Variants in EML1 observed in about 807,000 individuals in gnomAD.
The protein encoded by EML1 is echinoderm microtubule-associated protein-like 1.
EML1 carries 27 observed loss-of-function variants against 110.4 expected under a neutral mutation model. The observed-to-expected ratio is 0.24, with a 90% CI of 0.18 to 0.34. EML1 has a LOEUF of 0.34. EML1 is among the 10% of genes least tolerant of loss of function. The pLI is 1.00. For missense variants in EML1, 741 were observed against 1,030.9 expected, an observed-to-expected ratio of 0.72 and a Z score of 3.85; for synonymous variants, 344 against 385.8, an observed-to-expected ratio of 0.89 and a Z score of 1.27.
Position 99,914,286 on chromosome 14 carries a change from C to T in EML1, c.1602C>T (p.Asp534=), listed in dbSNP as rs1355000351. Residue 534 remains aspartate (D), a synonymous_variant, in exon 14 of 22, where the codon GAC becomes GAT. Coordinates refer to ENST00000262233, the MANE Select transcript of EML1 (RefSeq NM_004434.3). ...TCCTGCAGGGCACTCTGTCAGGGGA[C>T]TTCACACCCATTACTCAGGTACGAT... ...NFVLQGTLSG[D]FTPITQGHTD... is the part of the protein sequence containing the mutation. The T allele has an allele frequency of 2.5e-6, 4 of 1,613,158 alleles. No homozygotes were observed. In the South Asian group the frequency reaches 4.4e-5, roughly 18 times the overall value.
chr14:99,917,941 T>A, intron 16 of EML1, 92 bp downstream of exon 16: 1 of 1,315,266 alleles, frequency 7.6e-7, no homozygotes, highest in Non-Finnish European at 1.1e-6. Flanking sequence ...CCCGTTCAGC[T>A]CTTGGCTACA....
chr14:99,748,292 G>A (rs570374421), intron 1 of EML1, among the ~76,000 whole-genome samples: 1 of 152,306 alleles, frequency 6.6e-6, no homozygotes, highest in South Asian at 2.1e-4. Flanking sequence ...AGCTTGCCCC[G>A]AGGCTGCGGG....
chr14:99,782,722 C>G (rs1382669368), intron 1 of EML1, among the ~76,000 whole-genome samples: 1 of 151,982 alleles, frequency 6.6e-6, no homozygotes, highest in African/African-American at 2.4e-5. Context: ...TTACCGGACC[C>G]CCCATTAATT....
At chr14:99,917,379 G>T (rs768077868) in intron 15 of EML1, among the ~76,000 whole-genome samples, 6 of 152,050 alleles carry the variant, frequency 3.9e-5, no homozygotes, top group Non-Finnish European at 7.4e-5. Context: ...AGACCAGCCT[G>T]GGCAGCATAG....
intron 1 of EML1, among the ~76,000 whole-genome samples, chr14:99,748,273 G>A (rs1481351965): frequency 6.6e-6 from 1 of 152,200 alleles, no homozygotes; most frequent in Non-Finnish European, 1.5e-5. Context: ...GTGGGGTCCT[G>A]GGATCCGGAG....
chr14:99,802,593 C>T (rs2057901223), intron 1 of EML1, among the ~76,000 whole-genome samples: 1 of 152,098 alleles, frequency 6.6e-6, no homozygotes, highest in Non-Finnish European at 1.5e-5. Context: ...ACGCCCAGGT[C>T]TCTGATGCCT....
chr14:99,840,409 G>A (rs535508191), intron 1 of EML1, among the ~76,000 whole-genome samples: 5 of 152,306 alleles, frequency 3.3e-5, no homozygotes, highest in South Asian at 4.1e-4. Flanking sequence ...CATTCTAGCC[G>A]TGCAACCTTA....
chr14:99,866,049 A>G (rs1045122981), intron 3 of EML1, among the ~76,000 whole-genome samples: 5 of 152,242 alleles, frequency 3.3e-5, no homozygotes, highest in Non-Finnish European at 5.9e-5. Context: ...TACTTTCAAA[A>G]TGTACCCAAC....
intron 1 of EML1, among the ~76,000 whole-genome samples, chr14:99,777,683 G>C (rs150680204): frequency 0.012 from 1,880 of 152,284 alleles, 42 homozygotes; most frequent in African/African-American, 0.042. Context: ...GCCTCCAAAA[G>C]TGCTGGGATT....
rs764069587 is a variant in EML1, at chr14:99,936,300, C to G, written c.2061C>G (p.Leu687=). Residue 687 remains leucine (L), a synonymous_variant, in exon 19 of 22, where the codon CTC becomes CTG. Coordinates refer to ENST00000262233, the MANE Select transcript of EML1 (RefSeq NM_004434.3). This position sits in a 1 kb window ranked among gnomAD's most constrained non-coding sequence, Gnocchi z 5.5. The part of the protein sequence containing the change: ...HLDWSVNSQF[L]VSNSGDYEIL... ...ACTGGTCTGTAAACTCACAGTTCCT[C>G]GTGTCAAATTCCGGAGACTACGAAA... The G allele has an allele frequency of 3.7e-6, 6 of 1,613,900 alleles. No homozygotes were observed. In the East Asian group the frequency reaches 8.9e-5, roughly 24 times the overall value.
chr14:99,814,961 A>G (rs1351143475), intron 1 of EML1, among the ~76,000 whole-genome samples: 1 of 152,154 alleles, frequency 6.6e-6, no homozygotes, highest in Non-Finnish European at 1.5e-5. Context: ...AGAGAGGGAA[A>G]TGGAATTACT....
At chr14:99,902,769 C>T (rs1377815502) in intron 9 of EML1, among the ~76,000 whole-genome samples, 2 of 152,186 alleles carry the variant, frequency 1.3e-5, no homozygotes, top group African/African-American at 2.4e-5. Context: ...TTCCTCTCCT[C>T]TTGGGGGGTC....
chr14:99,755,106 T>C lies in EML1; in HGVS notation c.28+17246T>C, dbSNP rs868001741. Among the ~76,000 whole-genome samples the C allele has an allele frequency of 2.6e-5, 4 of 152,398 alleles. No individual in the cohort carries two copies. In the Middle Eastern group the frequency reaches 0.01, roughly 389 times the overall value. On this transcript the variant is annotated intron_variant, in intron 1 of 10. Transcript: ENST00000554479. ...TGGAGCTCAGAAGAAAAGTCAGGCG[T>C]TGGTGCCTTATCTTTCCTGGCAAAG...
chr14:99,753,895 G>A (rs1426730895), intron 1 of EML1, among the ~76,000 whole-genome samples: 1 of 152,214 alleles, frequency 6.6e-6, no homozygotes, highest in African/African-American at 2.4e-5. Context: ...GGAGATGGAG[G>A]CTCAGAGTGG....
At chr14:99,852,690 G>C (rs1030132108) in intron 2 of EML1, among the ~76,000 whole-genome samples, 1 of 152,188 alleles carries the variant, frequency 6.6e-6, no homozygotes, top group Non-Finnish European at 1.5e-5. Flanking sequence ...TTTCCTTAGA[G>C]TTGGGAGGGA....
chr14:99,790,835 T>C (rs1192431248), upstream of EML1, among the ~76,000 whole-genome samples: 2 of 151,770 alleles, frequency 1.3e-5, no homozygotes, highest in African/African-American at 4.8e-5. Flanking sequence ...CCCATTTCCT[T>C]TCCCTGCCAA....
In EML1 at chr14:99,809,989, C is replaced by T. The variant is rs7141260; in HGVS notation, c.67+16446C>T. Among the ~76,000 whole-genome samples the T allele has an allele frequency of 3.6e-3, 553 of 152,306 alleles. 2 individuals are homozygous for T. Among genetic ancestry groups the T allele is most frequent in the African/African-American group, 0.013 (533 of 41,558 alleles). Reference sequence around the variant, plus strand: ...TTCCAGACCAGTATAACCAGACAGCCGAGCCGGCCCTGTACCGCGTCTGGT... The same window carrying T: ...TTCCAGACCAGTATAACCAGACAGCTGAGCCGGCCCTGTACCGCGTCTGGT... On this transcript the variant is annotated intron_variant, in intron 1 of 21. Transcript: ENST00000262233.
chr14:99,786,759 G>A (rs548744449), intron 1 of EML1, among the ~76,000 whole-genome samples: 40 of 152,312 alleles, frequency 2.6e-4, no homozygotes, highest in East Asian at 9.7e-4. Context: ...CTTGAAGTTC[G>A]TGCCAAGATG....
At chr14:99,918,504 A>G (rs1315467167) in intron 16 of EML1, among the ~76,000 whole-genome samples, 2 of 152,192 alleles carry the variant, frequency 1.3e-5, no homozygotes, top group South Asian at 4.1e-4. Context: ...AAACATTTCA[A>G]AGTGCTGAGC....
Sources: gnomAD v4.1 joint callset for allele counts (sites outside exome capture counted in the v4.1 genomes callset) on GRCh38, gnomAD v4.1.1 for gene constraint, Gnocchi (gnomAD v3.1) non-coding constraint, MANE v1.5 for transcripts, NCBI Gene and HGNC (gene_info 2026-07-23, HGNC 2026-07-21) for gene names.